Variants in KIZ observed in about 807,000 individuals in gnomAD.
The protein encoded by KIZ is centrosomal protein kizuna.
KIZ carries 68 observed loss-of-function variants against 79.6 expected under a neutral mutation model. That is an observed-to-expected ratio of 0.85 (90% CI 0.70 to 1.05). The LOEUF (loss-of-function observed/expected upper bound fraction) is 1.05. Among genes scored for constraint, KIZ ranks in the 50% least tolerant of loss-of-function variants. The pLI is 0.00. For missense variants in KIZ, 797 were observed against 800.4 expected, an observed-to-expected ratio of 1.00 and a Z score of 0.05; for synonymous variants, 280 against 281.8, an observed-to-expected ratio of 0.99 and a Z score of 0.06.
At chr20:21,126,750 C>T (rs2031501642) in intron 1 of KIZ, among the ~76,000 whole-genome samples, 1 of 152,130 alleles carries the variant, frequency 6.6e-6, no homozygotes, top group Non-Finnish European at 1.5e-5. Flanking sequence ...AAATTTCCAG[C>T]TAGAGAAGTC....
chr20:21,185,134 C>G (rs2034821294), intron 6 of KIZ, among the ~76,000 whole-genome samples: 2 of 152,102 alleles, frequency 1.3e-5, no homozygotes, highest in South Asian at 2.1e-4. Context: ...TATACTGAAT[C>G]TATTTTGAAT....
chr20:21,127,784 C>T (rs924944531), intron 1 of KIZ, among the ~76,000 whole-genome samples: 3 of 152,152 alleles, frequency 2.0e-5, no homozygotes, highest in African/African-American at 4.8e-5. Flanking sequence ...AATTGTGTGA[C>T]CTTGAGCAGG....
chr20:21,182,656 G>A (rs2034703965), intron 6 of KIZ, among the ~76,000 whole-genome samples: 1 of 151,920 alleles, frequency 6.6e-6, no homozygotes, highest in Non-Finnish European at 1.5e-5. Context: ...AATTAGCTGG[G>A]CGTGTTGGTG....
intron 3 of KIZ, among the ~76,000 whole-genome samples, chr20:21,142,790 CAAATAAATAAAT>C (rs56314647): frequency 6.8e-6 from 1 of 147,840 alleles, no homozygotes; most frequent in Admixed American, 6.7e-5. Context: ...GCCCTTGTCT[CAAATAAATAAAT>C]AAATAAATAA....
At chr20:21,136,115 A>G (rs2032171369) in intron 2 of KIZ, among the ~76,000 whole-genome samples, 1 of 152,224 alleles carries the variant, frequency 6.6e-6, no homozygotes, top group African/African-American at 2.4e-5. Context: ...AAATAAATCC[A>G]TAGAAATCTT....
At chr20:21,244,070 G>A (rs1022620135) in intron 11 of KIZ, among the ~76,000 whole-genome samples, 175 bp from the exon 12 acceptor site, 5 of 152,278 alleles carry the variant, frequency 3.3e-5, no homozygotes, top group African/African-American at 4.8e-5. Flanking sequence ...CGACCCTCCC[G>A]ACAAGGCCAC....
chr20:21,148,892 C>T (rs147503211), intron 4 of KIZ: 2 of 152,298 alleles, frequency 1.3e-5, no homozygotes, highest in African/African-American at 4.8e-5. Context: ...AGCTTCACTT[C>T]CACTGTGGTA....
At chr20:21,207,848 C>T (rs1218962916) in intron 7 of KIZ, among the ~76,000 whole-genome samples, 1 of 151,992 alleles carries the variant, frequency 6.6e-6, no homozygotes, top group Non-Finnish European at 1.5e-5. Flanking sequence ...GTAGCTGGGA[C>T]TACAGGCATG....
chr20:21,177,037 A>G (rs931102894), intron 6 of KIZ, among the ~76,000 whole-genome samples: 10 of 152,222 alleles, frequency 6.6e-5, no homozygotes, highest in African/African-American at 2.2e-4. Context: ...GATCTTCGCT[A>G]TTGCGAATAG....
chr20:21,183,824 G>A (rs555119634), intron 6 of KIZ, among the ~76,000 whole-genome samples: 69 of 152,244 alleles, frequency 4.5e-4, no homozygotes, highest in African/African-American at 1.6e-3. Context: ...AGCCTCAGAT[G>A]GTACCAGTGG....
chr20:21,177,956 A>G (rs571686532), intron 6 of KIZ, among the ~76,000 whole-genome samples: 83 of 152,162 alleles, frequency 5.5e-4, no homozygotes, highest in African/African-American at 1.9e-3. Context: ...CTTTATGCCA[A>G]TACCATACTG....
At chr20:21,197,135 A>G (rs1157353922) in intron 6 of KIZ, 1 of 152,216 alleles carries the variant, frequency 6.6e-6, no homozygotes, top group African/African-American at 2.4e-5. Flanking sequence ...TTTTAGAATC[A>G]TGCATCCCTC....
chr20:21,235,185 A>G (rs969167331), intron 11 of KIZ, among the ~76,000 whole-genome samples: 1 of 152,208 alleles, frequency 6.6e-6, no homozygotes, highest in East Asian at 1.9e-4. Context: ...GCTATAAAAG[A>G]TGCAAAGAGA....
chr20:21,236,467 A>G (rs2037010227), intron 11 of KIZ, among the ~76,000 whole-genome samples: 1 of 152,212 alleles, frequency 6.6e-6, no homozygotes, highest in Non-Finnish European at 1.5e-5. Flanking sequence ...TTTGGAGTCT[A>G]AAGACTATGT....
intron 3 of KIZ, among the ~76,000 whole-genome samples, chr20:21,142,140 C>T (rs541457564): frequency 2.6e-5 from 4 of 152,128 alleles, no homozygotes; most frequent in African/African-American, 7.2e-5. Flanking sequence ...CATGCACCCG[C>T]GGTGCTTTAA....
At chr20:21,153,893 T>G (rs1466517861) in intron 4 of KIZ, 1 of 152,194 alleles carries the variant, frequency 6.6e-6, no homozygotes, top group Non-Finnish European at 1.5e-5. Flanking sequence ...TTACCTCCTT[T>G]AAGGCCCTAT....
chr20:21,200,693 A>C (rs943568646), intron 6 of KIZ, among the ~76,000 whole-genome samples: 1 of 151,938 alleles, frequency 6.6e-6, no homozygotes, highest in Non-Finnish European at 1.5e-5. Flanking sequence ...CCCTCCTGCC[A>C]CTCACCTCCT....
chr20:21,202,519 A>T (rs1261867603), intron 6 of KIZ: 1 of 152,246 alleles, frequency 6.6e-6, no homozygotes, highest in Admixed American at 6.5e-5. Flanking sequence ...GAATCAAAGG[A>T]TTCCAATGAC....
chr20:21,142,262 A>C (rs2122464716), intron 3 of KIZ, among the ~76,000 whole-genome samples: 1 of 152,172 alleles, frequency 6.6e-6, no homozygotes, highest in South Asian at 2.1e-4. Flanking sequence ...TAATTATCTC[A>C]GTAAGCACTT....
Sources: gnomAD v4.1 joint callset for allele counts (sites outside exome capture counted in the v4.1 genomes callset) on GRCh38, gnomAD v4.1.1 for gene constraint, MANE v1.5 for transcripts, NCBI Gene and HGNC (gene_info 2026-07-23, HGNC 2026-07-21) for gene names.